The following CLSTN1 variants were observed in gnomAD, a reference collection of about 807,000 sequenced individuals.
CLSTN1 encodes calsyntenin 1.
A neutral mutation model predicts 108.3 loss-of-function variants in CLSTN1; 28 were observed. The observed-to-expected ratio is 0.26, with a 90% CI of 0.19 to 0.35. The LOEUF (loss-of-function observed/expected upper bound fraction) is 0.35. Among genes scored for constraint, CLSTN1 ranks in the 10% least tolerant of loss-of-function variants. The pLI is 1.00. For synonymous variants in CLSTN1, 524 were observed against 534.9 expected (o/e 0.98, Z 0.28); for missense variants, 1,157 against 1,302.6 (o/e 0.89, Z 1.72).
intron 1 of CLSTN1, among the ~76,000 whole-genome samples, chr1:9,810,952 T>C (rs945956638): frequency 1.3e-5 from 2 of 152,168 alleles, no homozygotes; most frequent in African/African-American, 4.8e-5. Flanking sequence ...ATACTTTATA[T>C]GCAACAAGAA....
chr1:9,762,051 C>T (rs1652099328), intron 2 of CLSTN1, among the ~76,000 whole-genome samples: 1 of 152,198 alleles, frequency 6.6e-6, no homozygotes, highest in Admixed American at 6.5e-5. Flanking sequence ...GCTGTCGCTC[C>T]ACTCACCATT....
intron 10 of CLSTN1, among the ~76,000 whole-genome samples, chr1:9,739,887 GCTCACTGCAAGCTCCGC>G (rs1650888129): frequency 1.3e-5 from 2 of 150,170 alleles, no homozygotes; most frequent in South Asian, 4.2e-4. Flanking sequence ...TGCTATCTCG[GCTCACTGCAAGCTCCGC>G]CTCCTGGGTT....
chr1:9,787,317 A>G (rs1183361552), intron 1 of CLSTN1, among the ~76,000 whole-genome samples: 1 of 151,362 alleles, frequency 6.6e-6, no homozygotes, highest in Non-Finnish European at 1.5e-5. Context: ...TATGGTTGAT[A>G]AAAATATGAA....
At chr1:9,805,863 T>C (rs923252306) in intron 1 of CLSTN1, among the ~76,000 whole-genome samples, 1 of 125,244 alleles carries the variant, frequency 8.0e-6, no homozygotes, top group African/African-American at 3.5e-5. Flanking sequence ...CAAGACTCTG[T>C]CTCAAAAAAA....
intron 11 of CLSTN1, among the ~76,000 whole-genome samples, chr1:9,737,180 C>T (rs1650736306): frequency 6.6e-6 from 1 of 152,086 alleles, no homozygotes; most frequent in Admixed American, 6.5e-5. Context: ...ATGACAGTCA[C>T]GAGGCGGCCT....
At chr1:9,753,757 T>A (rs188218689) in intron 4 of CLSTN1, among the ~76,000 whole-genome samples, 2 of 152,278 alleles carry the variant, frequency 1.3e-5, no homozygotes, top group Admixed American at 6.5e-5. Flanking sequence ...TCTGCCTGCC[T>A]CGGCCTCCCA....
At chr1:9,785,795 CT>C (rs77923873) in intron 1 of CLSTN1, among the ~76,000 whole-genome samples, 4,718 of 141,994 alleles carry the variant, frequency 0.033, 208 homozygotes, top group African/African-American at 0.099. Context: ...ATGTGAATTT[CT>C]TTTTTTTTTT....
rs140450699 is a variant in CLSTN1, at chr1:9,795,632, T to C, written c.92-22238A>G. ...AAGACATGAAGGAAAAAGAAAAAAA[T>C]GTACTTTCCTTAAGTTATTTTAAGG... is the stretch of plus-strand genomic sequence containing the variant. On this transcript the variant is annotated intron_variant, in intron 1 of 18. Transcript: ENST00000377298. Among the ~76,000 whole-genome samples, 3 of 151,266 alleles carry C rather than the reference T, an allele frequency of 2.0e-5. No individual in the cohort carries two copies. The Admixed American group carries it at 2.0e-4, about 10-fold the overall frequency.
intron 1 of CLSTN1, among the ~76,000 whole-genome samples, chr1:9,815,120 G>A (rs984456729): frequency 9.9e-5 from 15 of 152,160 alleles, no homozygotes; most frequent in Non-Finnish European, 2.2e-4. Flanking sequence ...AGGCCTCAGT[G>A]CTCTCAGTCT....
chr1:9,762,259 C>T (rs189101274), intron 2 of CLSTN1, among the ~76,000 whole-genome samples: 2 of 152,126 alleles, frequency 1.3e-5, no homozygotes, highest in East Asian at 3.9e-4. Context: ...GTCAGGAGTT[C>T]GAGACCAGCC....
intron 1 of CLSTN1, among the ~76,000 whole-genome samples, chr1:9,790,709 C>G (rs1008405401): frequency 4.6e-5 from 7 of 151,360 alleles, no homozygotes. Context: ...CGTGGACTCC[C>G]TTTTGCTGAC....
At chr1:9,773,147 C>T (rs990716880) in intron 2 of CLSTN1, 125 bp downstream of exon 2, 87 of 1,282,940 alleles carry the variant, frequency 6.8e-5, no homozygotes, top group Middle Eastern at 4.3e-4. Context: ...CTACAAAGGA[C>T]GCTACAAATA....
At chr1:9,735,210 G>C in intron 13 of CLSTN1, 36 bp from the exon 14 acceptor site, 1 of 1,607,212 alleles carries the variant, frequency 6.2e-7, no homozygotes, top group Non-Finnish European at 8.5e-7. Context: ...CAGGGCTTTG[G>C]GAGCCGATCT....
chr1:9,813,345 A>C (rs1654843558), intron 1 of CLSTN1, among the ~76,000 whole-genome samples: 1 of 152,096 alleles, frequency 6.6e-6, no homozygotes, highest in South Asian at 2.1e-4. Context: ...TAAAAGTACA[A>C]AAAATTAACC....
intron 1 of CLSTN1, among the ~76,000 whole-genome samples, chr1:9,796,602 T>A (rs1184582995): frequency 2.0e-5 from 3 of 150,446 alleles, no homozygotes; most frequent in African/African-American, 7.3e-5. Context: ...GAGAATGGCG[T>A]GAACCTGAGA....
At position 9,754,174 on chromosome 1, in the gene CLSTN1, C is replaced by T. The variant is rs553295114; in HGVS notation, c.440+940G>A. Among the ~76,000 whole-genome samples, 4 of 152,134 alleles carry T rather than the reference C, an allele frequency of 2.6e-5. No individual in the cohort carries two copies. The East Asian group carries it at 7.7e-4, about 29-fold the overall frequency. ...TAAATATGACAACAAAATAACCTTCCTAAGGGAGAAGCAGACTTTTTCAAT... is the reference window on the plus strand; with the variant it reads ...TAAATATGACAACAAAATAACCTTCTTAAGGGAGAAGCAGACTTTTTCAAT... On this transcript the variant is annotated intron_variant, in intron 4 of 18. Coordinates refer to ENST00000377298, the MANE Select transcript of CLSTN1 (RefSeq NM_001009566.3).
At chr1:9,754,881 A>C (rs1651735680) in intron 4 of CLSTN1, among the ~76,000 whole-genome samples, 1 of 152,100 alleles carries the variant, frequency 6.6e-6, no homozygotes, top group South Asian at 2.1e-4. Flanking sequence ...ACAACCCCAA[A>C]AAACCTAATA....
intron 1 of CLSTN1, among the ~76,000 whole-genome samples, chr1:9,778,390 G>C (rs1653061203): frequency 6.6e-6 from 1 of 152,162 alleles, no homozygotes; most frequent in Admixed American, 6.6e-5. Context: ...GCGCAAATCA[G>C]ATCAGTTGCC....
intron 1 of CLSTN1, among the ~76,000 whole-genome samples, chr1:9,781,452 T>G (rs1463764940): frequency 6.6e-6 from 1 of 152,086 alleles, no homozygotes; most frequent in Non-Finnish European, 1.5e-5. Context: ...TATTCTTTTT[T>G]TTTTTTTTGA....
Sources: gnomAD v4.1 joint callset for allele counts (sites outside exome capture counted in the v4.1 genomes callset) on GRCh38, gnomAD v4.1.1 for gene constraint, MANE v1.5 for transcripts, NCBI Gene and HGNC (gene_info 2026-07-23, HGNC 2026-07-21) for gene names.